MYO1A: variants seen among roughly 807,000 people sequenced by gnomAD.
The protein encoded by MYO1A is unconventional myosin-Ia.
Under a neutral mutation model 138.5 loss-of-function variants are expected in MYO1A, and 127 were observed. That is an observed-to-expected ratio of 0.92 (90% confidence interval 0.79 to 1.06). The LOEUF is 1.06. MYO1A is among the 50% of genes least tolerant of loss of function. The pLI is 0.00. For synonymous variants in MYO1A, 477 were observed against 497.5 expected (o/e 0.96, Z 0.55); for missense variants, 1,211 against 1,288.8 (o/e 0.94, Z 0.92).
intron 14 of MYO1A, among the ~76,000 whole-genome samples, chr12:57,040,498 G>T (rs1473313724): frequency 6.6e-6 from 1 of 152,176 alleles, no homozygotes; most frequent in Non-Finnish European, 1.5e-5. Context: ...GAATTTTGAA[G>T]CATGGGAATG....
chr12:57,044,096 G>T lies in MYO1A; in HGVS notation c.744+10C>A. 1 of 1,614,120 alleles carries T rather than the reference G, an allele frequency of 6.2e-7. No individual in the cohort carries two copies. The highest frequency in any genetic ancestry group is 1.1e-5 in the South Asian group (1 of 91,078). Reference sequence around the variant, plus strand: ...TAAGGGCCCAAGCCTGCCTCACCCTGGGCACCCACCTGTACAGCCCTGAAG... The same window carrying T: ...TAAGGGCCCAAGCCTGCCTCACCCTTGGCACCCACCTGTACAGCCCTGAAG... On this transcript the variant is annotated intron_variant, in intron 9 of 27. Transcript: ENST00000300119.
chr12:57,031,077 G>A lies in MYO1A; in HGVS notation c.2447C>T (p.Ala816Val), dbSNP rs541976845. The change falls in exon 23 of 28, where the codon GCA becomes GTA. Residue 816 changes from alanine to valine, a missense_variant. Physicochemically the swap from Ala to Val is moderately conservative, Grantham distance 64. Coordinates refer to ENST00000300119, the MANE Select transcript of MYO1A (RefSeq NM_005379.4). ...GAAGAGCTGCTGCAGCTCCTGATTTGCTGTGCTGAGGCACTTGTAGGGGGC... is the reference window on the plus strand; with the variant it reads ...GAAGAGCTGCTGCAGCTCCTGATTTACTGTGCTGAGGCACTTGTAGGGGGC... ...PAAPYKCLSTANQELQQLFYQ... is the reference protein window; with the variant it reads ...PAAPYKCLSTVNQELQQLFYQ... 1 of 1,614,092 alleles carries A rather than the reference G, an allele frequency of 6.2e-7. No homozygotes were observed.
chr12:57,047,819 T>A (rs758027580), intron 3 of MYO1A, 98 bp from the exon 4 acceptor site: 5 of 1,571,492 alleles, frequency 3.2e-6, no homozygotes, highest in Non-Finnish European at 3.5e-6. Context: ...CTCTCTCTAC[T>A]TGGAGCAGAC....
chr12:57,047,201 G>A (rs1465559848), intron 5 of MYO1A, 94 bp from the exon 6 acceptor site: 16 of 1,583,206 alleles, frequency 1.0e-5, no homozygotes, highest in Non-Finnish European at 1.1e-5. Flanking sequence ...TTTCTGGGTC[G>A]AACAAGAGAG....
In MYO1A at chr12:57,036,354, G is replaced by A. The variant is rs143613424; in HGVS notation, c.2302C>T (p.Arg768Trp). ...GCCAAGGTGAGGGCAGCCTCTGACC[G>A]GAAATATTTGCGATAATTCTTTCGG... Reference protein sequence around the residue: ...KARKNYRKYFRSEAALTLADF... With the variant: ...KARKNYRKYFWSEAALTLADF... The change falls in exon 22 of 28, where the codon CGG becomes TGG. Residue 768 changes from arginine (R) to tryptophan (W), a missense_variant. Transcript: ENST00000300119. 1.0e-3 allele frequency: 1,679 copies of A among 1,613,788 alleles called. 2 individuals carry two copies. Among genetic ancestry groups the A allele is most frequent in the South Asian group, 1.9e-3 (172 of 91,046 alleles).
At position 57,037,890 on chromosome 12, in the gene MYO1A, G is replaced by T. The variant is rs2136444606; in HGVS notation, c.1940C>A (p.Pro647His). The T allele has an allele frequency of 1.2e-6, 2 of 1,614,168 alleles. No individual in the cohort carries two copies. The highest frequency in any genetic ancestry group is 2.2e-5 in the South Asian group (2 of 91,088). ...TTACCGGTCTCCCCCATTCCAGTGA[G>T]GCCAGGTGCTCCGGCTCAGCAATCG... ...RYRLLSRSTW[P>H]HWNGGDREGV... Residue 647 changes from proline (P) to histidine (H), a missense_variant, in exon 18 of 28, where the codon CCT becomes CAT. Pro to His is a moderately conservative substitution (Grantham distance 77). Transcript: ENST00000300119.
intron 23 of MYO1A, 106 bp downstream of exon 23, chr12:57,030,934 C>T: frequency 7.0e-7 from 1 of 1,425,708 alleles, no homozygotes; most frequent in South Asian, 1.3e-5. Context: ...TATTTTACCA[C>T]AATTTTTTTA....
At chr12:57,043,762 G>T in intron 10 of MYO1A, 94 bp downstream of exon 10, 1 of 1,544,188 alleles carries the variant, frequency 6.5e-7, no homozygotes, top group Non-Finnish European at 8.9e-7. Context: ...CTGCATCAGG[G>T]TGAGATCAAT....
At chr12:57,042,395 C>T (rs534200865) in intron 12 of MYO1A, among the ~76,000 whole-genome samples, 2 of 152,312 alleles carry the variant, frequency 1.3e-5, no homozygotes, top group South Asian at 2.1e-4. Flanking sequence ...AGTTGATGGA[C>T]ATTTGGGCTG....
chr12:57,033,831 A>G (rs2030404932), intron 22 of MYO1A, among the ~76,000 whole-genome samples: 1 of 152,266 alleles, frequency 6.6e-6, no homozygotes, highest in African/African-American at 2.4e-5. Context: ...CAGAATACAT[A>G]GTATATTGCT....
chr12:57,050,481 T>C (rs2031298234), upstream of MYO1A, among the ~76,000 whole-genome samples: 1 of 152,040 alleles, frequency 6.6e-6, no homozygotes, highest in Non-Finnish European at 1.5e-5. Context: ...AGCCCAGGAG[T>C]TCGAGACCAG....
Position 57,038,638 on chromosome 12 carries a change from C to T in MYO1A, c.1534G>A (p.Val512Met). The T allele has an allele frequency of 6.2e-7, 1 of 1,614,184 alleles. No homozygotes were observed. Among genetic ancestry groups the T allele is most frequent in the Non-Finnish European group, 8.5e-7 (1 of 1,180,000 alleles). The change falls in exon 17 of 28, where the codon GTG becomes ATG. Residue 512 changes from valine (V) to methionine (M), a missense_variant and splice_region_variant. Transcript: ENST00000300119. ...ATAAAGCTGGTCACGTTGTATGTCA[C>T]CTGTAAAGGAGCAGCTATTGGTTTG... is the stretch of plus-strand genomic sequence containing the variant. The part of the protein sequence containing the change: ...CFRICHYAGK[V>M]TYNVTSFIDK...
At chr12:57,042,645 T>C (rs73114457) in intron 12 of MYO1A, among the ~76,000 whole-genome samples, 13,749 of 152,078 alleles carry the variant, frequency 0.09, 659 homozygotes, top group East Asian at 0.18. Flanking sequence ...AAATATAGAG[T>C]TGGGGTCTCA....
Position 57,044,092 on chromosome 12 carries a change from C to T in MYO1A, c.744+14G>A, listed in dbSNP as rs749489127. ...GACCTAAGGGCCCAAGCCTGCCTCA[C>T]CCTGGGCACCCACCTGTACAGCCCT... On this transcript the variant is annotated intron_variant, in intron 9 of 27. Coordinates refer to ENST00000300119, the MANE Select transcript of MYO1A (RefSeq NM_005379.4). The T allele has an allele frequency of 6.2e-7, 1 of 1,614,188 alleles. No homozygotes were observed. The highest frequency in any genetic ancestry group is 1.1e-5 in the South Asian group (1 of 91,080).
intron 23 of MYO1A, 74 bp downstream of exon 23, chr12:57,030,966 G>T: frequency 6.4e-7 from 1 of 1,569,748 alleles, no homozygotes; most frequent in African/African-American, 1.4e-5. Context: ...ATAGAAGAGG[G>T]AGGCAAAAGA....
At chr12:57,033,503 T>C (rs1422158159) in intron 22 of MYO1A, among the ~76,000 whole-genome samples, 1 of 152,130 alleles carries the variant, frequency 6.6e-6, no homozygotes, top group Non-Finnish European at 1.5e-5. Flanking sequence ...ACTACAGGTA[T>C]GAGCCACCAC....
At position 57,034,973 on chromosome 12, in the gene MYO1A, T is replaced by A. The variant is rs541565407; in HGVS notation, c.2349+1334A>T. ...AAGAGTGAAACTCTGTCTCAAAAAATAAATAAATAAATAAATAAAAATTAA... is the reference window on the plus strand; with the variant it reads ...AAGAGTGAAACTCTGTCTCAAAAAAAAAATAAATAAATAAATAAAAATTAA... On this transcript the variant is annotated intron_variant, in intron 22 of 27. Coordinates refer to ENST00000300119, the MANE Select transcript of MYO1A (RefSeq NM_005379.4). 7.9e-5 allele frequency among the ~76,000 whole-genome samples: 12 copies of A among 151,774 alleles called. No homozygotes were observed. In the East Asian group the frequency reaches 1.7e-3, roughly 22 times the overall value.
In MYO1A at chr12:57,046,940, C is replaced by A. The variant is rs767906290; in HGVS notation, c.478-14G>T. 87 of 1,613,452 alleles carry A rather than the reference C, an allele frequency of 5.4e-5. No homozygotes were observed. In the Admixed American group the frequency reaches 1.2e-3, roughly 22 times the overall value. On this transcript the variant is annotated splice_polypyrimidine_tract_variant and intron_variant, in intron 6 of 27. Transcript: ENST00000300119. ...CATGTATTTTCCCTTCAGAGAGAGA[C>A]CAGAGAGAGAGACTTAGCTTCTTCC... is the stretch of plus-strand genomic sequence containing the variant.
chr12:57,041,470 T>C lies in MYO1A; in HGVS notation c.1126A>G (p.Met376Val). The C allele has an allele frequency of 6.2e-7, 1 of 1,613,862 alleles. No homozygotes were observed. The part of the protein sequence containing the change: ...KVGIGEKKKV[M>V]GVLDIYGFEI... ...AAACCGTAGATATCAAGGACTCCCATTACCTTCTTCTTTTCCCCGATGCCC... is the reference window on the plus strand; with the variant it reads ...AAACCGTAGATATCAAGGACTCCCACTACCTTCTTCTTTTCCCCGATGCCC... Residue 376 changes from methionine (M) to valine (V), a missense_variant, in exon 13 of 28, where the codon ATG (methionine) becomes GTG (valine). Transcript: ENST00000300119.
Sources: gnomAD v4.1 joint callset for allele counts (sites outside exome capture counted in the v4.1 genomes callset) on GRCh38, gnomAD v4.1.1 for gene constraint, MANE v1.5 for transcripts, NCBI Gene and HGNC (gene_info 2026-07-23, HGNC 2026-07-21) for gene names.